The following AGBL4 variants were observed in gnomAD, a reference collection of about 807,000 sequenced individuals.
AGBL4 encodes cytosolic carboxypeptidase 6.
AGBL4 carries 58 observed loss-of-function variants against 66.4 expected under a neutral mutation model. The observed-to-expected ratio is 0.87, with a 90% CI of 0.71 to 1.09. AGBL4 has a LOEUF of 1.09. Among genes scored for constraint, AGBL4 ranks in the 50% least tolerant of loss-of-function variants. The pLI is 0.00. For synonymous variants in AGBL4, 234 were observed against 222.9 expected (o/e 1.05, Z -0.44); for missense variants, 579 against 631.0 (o/e 0.92, Z 0.88).
chr1:48,959,637 G>A (rs1657788053), intron 5 of AGBL4, among the ~76,000 whole-genome samples: 1 of 152,192 alleles, frequency 6.6e-6, no homozygotes, highest in South Asian at 2.1e-4. Flanking sequence ...TTTCAGCAGG[G>A]ACATAAAGGG....
At chr1:49,468,051 C>CTT (rs1646665999) in intron 3 of AGBL4, among the ~76,000 whole-genome samples, 1 of 151,690 alleles carries the variant, frequency 6.6e-6, no homozygotes, top group African/African-American at 2.4e-5. Flanking sequence ...TAGGCAAAAT[C>CTT]TTATCTTTAG....
At chr1:49,101,384 C>T (rs371618266) in intron 4 of AGBL4, among the ~76,000 whole-genome samples, 14 of 152,030 alleles carry the variant, frequency 9.2e-5, no homozygotes, top group Non-Finnish European at 1.9e-4. Flanking sequence ...GGCAAGGTTT[C>T]GCCATGTTGG....
chr1:48,650,392 T>C (rs1645907493), intron 8 of AGBL4, among the ~76,000 whole-genome samples: 2 of 152,148 alleles, frequency 1.3e-5, no homozygotes, highest in African/African-American at 4.8e-5. Context: ...AGCAATTTGA[T>C]CAGTTCCTGG....
intron 1 of AGBL4, among the ~76,000 whole-genome samples, chr1:49,890,904 G>T (rs1311584340): frequency 6.6e-6 from 1 of 152,080 alleles, no homozygotes; most frequent in African/African-American, 2.4e-5. Flanking sequence ...AATTAAATTT[G>T]GGGTTCATCT....
intron 3 of AGBL4, among the ~76,000 whole-genome samples, chr1:49,360,431 A>T (rs955541134): frequency 6.6e-6 from 1 of 152,226 alleles, no homozygotes; most frequent in Admixed American, 6.5e-5. Flanking sequence ...GAAGTTCATA[A>T]TTTTCTATAG....
intron 4 of AGBL4, among the ~76,000 whole-genome samples, chr1:49,080,678 C>A (rs1486939637): frequency 6.6e-6 from 1 of 152,146 alleles, no homozygotes; most frequent in Non-Finnish European, 1.5e-5. Context: ...ACTTGAAGTT[C>A]ATGGAAAGCT....
At chr1:48,940,955 C>T (rs1008689359) in intron 5 of AGBL4, among the ~76,000 whole-genome samples, 1 of 151,812 alleles carries the variant, frequency 6.6e-6, no homozygotes, top group African/African-American at 2.4e-5. Flanking sequence ...AATACACAGA[C>T]ATATTAGATA....
intron 1 of AGBL4, among the ~76,000 whole-genome samples, chr1:49,906,595 T>A (rs1650299421): frequency 6.6e-6 from 1 of 152,114 alleles, no homozygotes; most frequent in African/African-American, 2.4e-5. Flanking sequence ...TCCATACTTG[T>A]GTAAAGTATA....
chr1:48,877,902 T>C (rs191332711), intron 5 of AGBL4, among the ~76,000 whole-genome samples: 1 of 152,284 alleles, frequency 6.6e-6, no homozygotes, highest in Admixed American at 6.5e-5. Context: ...AGTCCTAGCT[T>C]ACACATTCAC....
chr1:49,151,105 A>G (rs1315169726), intron 4 of AGBL4, among the ~76,000 whole-genome samples: 1 of 151,800 alleles, frequency 6.6e-6, no homozygotes, highest in Non-Finnish European at 1.5e-5. Context: ...CGTCTCTACT[A>G]AAAATACAAA....
At chr1:49,253,424 A>G (rs1450764258) in intron 3 of AGBL4, among the ~76,000 whole-genome samples, 1 of 152,198 alleles carries the variant, frequency 6.6e-6, no homozygotes, top group Non-Finnish European at 1.5e-5. Context: ...GAAAATCTAG[A>G]GGAAATGGAT....
chr1:49,275,750 CA>C (rs1290110905), intron 3 of AGBL4, among the ~76,000 whole-genome samples: 1 of 151,942 alleles, frequency 6.6e-6, no homozygotes, highest in Non-Finnish European at 1.5e-5. Flanking sequence ...TACAAGTCTC[CA>C]AACAATTTTT....
intron 4 of AGBL4, chr1:49,187,595 C>G (rs1647037871): frequency 6.6e-6 from 1 of 152,080 alleles, no homozygotes; most frequent in Admixed American, 6.6e-5. Flanking sequence ...AGAATTGTTT[C>G]TAAAAGACAA....
chr1:50,007,555 G>A (rs1661228377), intron 1 of AGBL4, among the ~76,000 whole-genome samples: 1 of 152,114 alleles, frequency 6.6e-6, no homozygotes, highest in Non-Finnish European at 1.5e-5. Flanking sequence ...TTGAGCCCAG[G>A]AGTTCAAGAC....
In AGBL4 at chr1:48,742,591, G is replaced by T. The variant is rs762724446; in HGVS notation, c.635-79350C>A. The T allele has an allele frequency of 3.4e-6, 5 of 1,488,224 alleles. No individual in the cohort carries two copies. The African/African-American group carries it at 7.1e-5, about 21-fold the overall frequency. The allele number at this position is 1,488,224 out of a possible 1,614,324, so 92.2% of individuals were successfully genotyped here. A position where few individuals can be genotyped will look rare whatever the true frequency, so the allele number is the denominator to read the frequency against. On this transcript the variant is annotated intron_variant, in intron 6 of 13. Transcript: ENST00000371839. ...CCTTTACTCTGACTAACAAACACTT[G>T]CAGGGAATGGATATTGAGCTTAAAA...
chr1:49,569,285 G>T (rs1571068215), intron 3 of AGBL4, among the ~76,000 whole-genome samples: 2 of 152,144 alleles, frequency 1.3e-5, no homozygotes, highest in East Asian at 3.9e-4. Context: ...ATAAAACCTA[G>T]AAAGAATGGG....
At chr1:48,715,806 A>C (rs992598251) in intron 6 of AGBL4, among the ~76,000 whole-genome samples, 24 of 152,224 alleles carry the variant, frequency 1.6e-4, no homozygotes, top group African/African-American at 5.5e-4. Context: ...TGGTGAAATT[A>C]TGCATTGCAA....
chr1:48,991,171 C>T (rs1315061703), intron 5 of AGBL4, among the ~76,000 whole-genome samples: 1 of 152,180 alleles, frequency 6.6e-6, no homozygotes, highest in Non-Finnish European at 1.5e-5. Flanking sequence ...TGATGAAATC[C>T]TTCAGCTTTT....
intron 2 of AGBL4, among the ~76,000 whole-genome samples, chr1:49,761,672 A>T (rs1418882254): frequency 6.6e-6 from 1 of 152,230 alleles, no homozygotes; most frequent in African/African-American, 2.4e-5. Flanking sequence ...TATATCCATC[A>T]CCAAACATCT....
Sources: allele counts gnomAD v4.1 joint callset (sites outside exome capture counted in the v4.1 genomes callset), GRCh38; gene constraint gnomAD v4.1.1; transcripts MANE v1.5; gene names NCBI Gene and HGNC (gene_info 2026-07-23, HGNC 2026-07-21).